RPTOR: variants seen among roughly 807,000 people sequenced by gnomAD.
The protein encoded by RPTOR is regulatory-associated protein of mTOR.
RPTOR carries 21 observed loss-of-function variants against 169.9 expected under a neutral mutation model. The observed-to-expected ratio is 0.12, with a 90% CI of 0.09 to 0.18. RPTOR has a LOEUF of 0.18. Among genes scored for constraint, RPTOR ranks in the 10% least tolerant of loss-of-function variants. RPTOR has a pLI of 1.00. For synonymous variants in RPTOR, 732 were observed against 753.2 expected (o/e 0.97, Z 0.46); for missense variants, 1,133 against 1,855.9 (o/e 0.61, Z 7.16).
At chr17:80,755,928 G>C (rs1392044158) in intron 6 of RPTOR, among the ~76,000 whole-genome samples, 3 of 152,096 alleles carry the variant, frequency 2.0e-5, no homozygotes, top group African/African-American at 7.2e-5. Context: ...GGCAAAACTA[G>C]ACACCTGAGT....
At chr17:80,787,559 G>T (rs1048768504) in intron 6 of RPTOR, among the ~76,000 whole-genome samples, 1 of 152,228 alleles carries the variant, frequency 6.6e-6, no homozygotes. Flanking sequence ...CCGGATCATA[G>T]TGTATAGGAA....
chr17:80,671,927 A>C (rs1368688225), intron 3 of RPTOR, among the ~76,000 whole-genome samples: 6 of 152,230 alleles, frequency 3.9e-5, no homozygotes, highest in Admixed American at 1.3e-4. Flanking sequence ...CTTAATTTCC[A>C]AGTAGCTGTT....
At chr17:80,876,785 A>C (rs1160064880) in intron 13 of RPTOR, among the ~76,000 whole-genome samples, 2 of 84,152 alleles carry the variant, frequency 2.4e-5, no homozygotes, top group Non-Finnish European at 2.3e-5. Flanking sequence ...CGGGTCTTCC[A>C]CCGAGCCCGT....
intron 1 of RPTOR, among the ~76,000 whole-genome samples, chr17:80,603,404 C>T (rs188453020): frequency 5.3e-5 from 8 of 152,246 alleles, no homozygotes; most frequent in Admixed American, 1.3e-4. Flanking sequence ...GGAAAGCACG[C>T]GTGTTTGACC....
intron 4 of RPTOR, chr17:80,709,106 G>A: frequency 1.0e-6 from 1 of 985,470 alleles, no homozygotes; most frequent in Non-Finnish European, 1.2e-6. Flanking sequence ...AGCCTCGGAA[G>A]TTAGAAAGGT....
At chr17:80,631,477 C>T (rs910523966) in intron 2 of RPTOR, among the ~76,000 whole-genome samples, 6 of 152,152 alleles carry the variant, frequency 3.9e-5, no homozygotes, top group Non-Finnish European at 8.8e-5. Flanking sequence ...TTGTGCAGAC[C>T]TGCGCTCTTC....
chr17:80,930,325 GCTCAT>G (rs762512298), intron 24 of RPTOR, among the ~76,000 whole-genome samples: 1 of 52,198 alleles, frequency 1.9e-5, no homozygotes. Flanking sequence ...GCTCAGCTCA[GCTCAT>G]CCTCAGCTCA....
rs938580597 is a variant in RPTOR, at chr17:80,966,246, G to T, written c.*1916G>T. The T allele has an allele frequency of 4.3e-6, 1 of 231,910 alleles. No homozygotes were observed. The highest frequency in any genetic ancestry group is 5.6e-5 in the Admixed American group (1 of 17,764). 14.4% of individuals were successfully genotyped at this position (231,910 alleles called of 1,614,324 possible). A position where few individuals can be genotyped will look rare whatever the true frequency, so the allele number is the denominator to read the frequency against. On this transcript the variant is annotated 3_prime_UTR_variant, in exon 34 of 34. Coordinates refer to ENST00000306801, the MANE Select transcript of RPTOR (RefSeq NM_020761.3). ...ACGTTAACCGGCTCGAGAGAGCGCC[G>T]GCCTAGAGGCTCATTATCTATTTAT...
intron 13 of RPTOR, among the ~76,000 whole-genome samples, chr17:80,875,818 C>T (rs1401234095): frequency 2.1e-5 from 3 of 146,030 alleles, no homozygotes; most frequent in East Asian, 4.0e-4. Flanking sequence ...GGTCTTCCCA[C>T]CGAGCCCGTG....
intron 3 of RPTOR, among the ~76,000 whole-genome samples, chr17:80,661,617 T>C (rs1023150950): frequency 6.6e-6 from 1 of 151,888 alleles, no homozygotes; most frequent in Non-Finnish European, 1.5e-5. Context: ...GGTCGGAGAG[T>C]CTCTCCCCGG....
At chr17:80,949,414 T>C (rs2069145415) in intron 27 of RPTOR, 29 bp from the exon 28 acceptor site, 2 of 1,583,530 alleles carry the variant, frequency 1.3e-6, no homozygotes, top group Admixed American at 1.7e-5. Context: ...AGGGGCCTGG[T>C]TCACATCCTT....
chr17:80,652,919 T>G (rs564304774), intron 3 of RPTOR, among the ~76,000 whole-genome samples: 1 of 152,302 alleles, frequency 6.6e-6, no homozygotes, highest in African/African-American at 2.4e-5. Flanking sequence ...TATTCTTACA[T>G]TGTTATTATT....
At chr17:80,842,002 CGCAGCTCACTCTCACCACACG>C (rs1567943899) in intron 10 of RPTOR, among the ~76,000 whole-genome samples, 77 of 133,798 alleles carry the variant, frequency 5.8e-4, no homozygotes, top group Admixed American at 2.5e-3. Flanking sequence ...CTCACCCCAC[CGCAGCTCACTCTCACCACACG>C]GCAGCTCACT....
At chr17:80,549,476 A>AT in intron 1 of RPTOR, among the ~76,000 whole-genome samples, 1 of 152,050 alleles carries the variant, frequency 6.6e-6, no homozygotes, top group Non-Finnish European at 1.5e-5. Flanking sequence ...TGCCTGGCCA[A>AT]TTTTTTTCAT....
At chr17:80,687,185 G>A (rs1330650594) in intron 3 of RPTOR, among the ~76,000 whole-genome samples, 4 of 152,194 alleles carry the variant, frequency 2.6e-5, no homozygotes, top group Non-Finnish European at 5.9e-5. Flanking sequence ...AGTTCTGTCC[G>A]TCCCACTTCT....
At chr17:80,682,955 T>C (rs1214997927) in intron 3 of RPTOR, among the ~76,000 whole-genome samples, 1 of 151,982 alleles carries the variant, frequency 6.6e-6, no homozygotes, top group Non-Finnish European at 1.5e-5. Context: ...CACGTACCAC[T>C]ACACCCAGCT....
intron 24 of RPTOR, among the ~76,000 whole-genome samples, chr17:80,935,242 G>A (rs1044212845): frequency 6.6e-6 from 1 of 152,160 alleles, no homozygotes; most frequent in Non-Finnish European, 1.5e-5. Context: ...CATGCTCCTG[G>A]TTTAGAAGAC....
At chr17:80,547,814 G>A (rs560101312) in intron 1 of RPTOR, among the ~76,000 whole-genome samples, 45 of 152,264 alleles carry the variant, frequency 3.0e-4, no homozygotes, top group African/African-American at 1.0e-3. Flanking sequence ...TAATGGCATA[G>A]GTTCAAAGAT....
At chr17:80,917,787 T>C (rs574499116) in intron 21 of RPTOR, among the ~76,000 whole-genome samples, 11 of 152,238 alleles carry the variant, frequency 7.2e-5, no homozygotes, top group Middle Eastern at 3.4e-3. Context: ...TCTGAAGCCA[T>C]TGGACTCTCT....
Sources: gnomAD v4.1 joint callset for allele counts (sites outside exome capture counted in the v4.1 genomes callset) on GRCh38, gnomAD v4.1.1 for gene constraint, MANE v1.5 for transcripts, NCBI Gene and HGNC (gene_info 2026-07-23, HGNC 2026-07-21) for gene names.